Variants in GARIN2 observed in about 807,000 individuals in gnomAD.
The protein encoded by GARIN2 is golgi associated RAB2 interactor family member 2.
the GARIN2 span, among the ~76,000 whole-genome samples, chr14:67,193,159 T>C: frequency 1.4e-5 from 2 of 143,804 alleles, no homozygotes; most frequent in African/African-American, 5.0e-5. Context: ...TATATCTCTA[T>C]ATAGACATCT....
chr14:67,215,927 A>G, the GARIN2 span, among the ~76,000 whole-genome samples: 2 of 152,188 alleles, frequency 1.3e-5, no homozygotes, highest in African/African-American at 2.4e-5. Flanking sequence ...TGCCCAAAAC[A>G]AATGCCCTAA....
At chr14:67,227,940 C>A in the GARIN2 span, among the ~76,000 whole-genome samples, 1,611 of 152,098 alleles carry the variant, frequency 0.011, 30 homozygotes, top group African/African-American at 0.036. Context: ...GAGGCCAAGG[C>A]GGGTGGATCA....
At chr14:67,192,788 A>G in the GARIN2 span, among the ~76,000 whole-genome samples, 1 of 148,058 alleles carries the variant, frequency 6.8e-6, no homozygotes, top group Non-Finnish European at 1.5e-5. Flanking sequence ...ATATATATGT[A>G]TGTGTGTGTA....
At chr14:67,209,802 A>G in the GARIN2 span, among the ~76,000 whole-genome samples, 1 of 147,934 alleles carries the variant, frequency 6.8e-6, no homozygotes, top group Non-Finnish European at 1.5e-5. Flanking sequence ...TGGGTGACAG[A>G]GCAAGACTCC....
At chr14:67,220,845 C>T in the GARIN2 span, among the ~76,000 whole-genome samples, 2 of 152,174 alleles carry the variant, frequency 1.3e-5, no homozygotes, top group Non-Finnish European at 2.9e-5. Flanking sequence ...TTAACATTTA[C>T]TTTCTGAAAG....
the GARIN2 span, among the ~76,000 whole-genome samples, chr14:67,220,971 CTATT>C: frequency 6.6e-6 from 1 of 152,082 alleles, no homozygotes; most frequent in African/African-American, 2.4e-5. Context: ...TCTTCCTAAA[CTATT>C]TGTTTTATTC....
chr14:67,207,250 TG>T, the GARIN2 span, among the ~76,000 whole-genome samples: 8 of 152,124 alleles, frequency 5.3e-5, no homozygotes, highest in African/African-American at 1.7e-4. Flanking sequence ...AGCACAATGC[TG>T]GCATCTGCTT....
chr14:67,209,874 A>C, the GARIN2 span, among the ~76,000 whole-genome samples: 206 of 152,112 alleles, frequency 1.4e-3, 4 homozygotes, highest in East Asian at 0.023. Context: ...CTTTATATAT[A>C]AGTAGTTGGT....
At chr14:67,191,667 C>G in the GARIN2 span, among the ~76,000 whole-genome samples, 5 of 152,178 alleles carry the variant, frequency 3.3e-5, no homozygotes, top group Admixed American at 2.0e-4. Flanking sequence ...CCTAATGGAG[C>G]CTTGATCATC....
At chr14:67,225,182 T>C in the GARIN2 span, 1 of 1,573,912 alleles carries the variant, frequency 6.4e-7, no homozygotes, top group Non-Finnish European at 8.6e-7. Context: ...TGTCTGCCCC[T>C]TTCTCAAGGG....
the GARIN2 span, chr14:67,199,976 TG>T: frequency 8.7e-7 from 1 of 1,149,008 alleles, no homozygotes; most frequent in Admixed American, 2.8e-5. Context: ...CATCCAGGGA[TG>T]TCTCAGATGC....
chr14:67,196,755 C>T, the GARIN2 span: 11 of 152,184 alleles, frequency 7.2e-5, no homozygotes, highest in African/African-American at 2.7e-4. Context: ...ACCAAAAGAC[C>T]ACGGTGAGGA....
chr14:67,191,507 C>A, the GARIN2 span, among the ~76,000 whole-genome samples: 1 of 152,200 alleles, frequency 6.6e-6, no homozygotes, highest in South Asian at 2.1e-4. Context: ...TTCCCACTCT[C>A]TCCCCTTCCC....
the GARIN2 span, among the ~76,000 whole-genome samples, chr14:67,201,985 C>T: frequency 1.3e-5 from 2 of 152,132 alleles, no homozygotes; most frequent in African/African-American, 2.4e-5. Context: ...CCTCTCCTCT[C>T]AACCCAGCCA....
chr14:67,225,096 T>G, the GARIN2 span: 2 of 1,548,012 alleles, frequency 1.3e-6, no homozygotes. Flanking sequence ...CTTTCCTTAT[T>G]CTTTTTCTTT....
the GARIN2 span, chr14:67,222,087 A>G: frequency 2.7e-6 from 1 of 373,346 alleles, no homozygotes; most frequent in East Asian, 4.6e-5. Context: ...CCCTGTATCT[A>G]AATCATCAAG....
chr14:67,190,425 T>TG, the GARIN2 span, among the ~76,000 whole-genome samples: 11,059 of 144,278 alleles, frequency 0.077, 403 homozygotes, highest in Middle Eastern at 0.11. Context: ...GGTTTCGCCA[T>TG]TTGGCCAGGC....
the GARIN2 span, among the ~76,000 whole-genome samples, chr14:67,224,466 T>TA: frequency 1.3e-5 from 2 of 151,974 alleles, no homozygotes; most frequent in Admixed American, 1.3e-4. Context: ...TTCATTGTGT[T>TA]AGCCAGGATG....
chr14:67,203,233 C>G, the GARIN2 span: 1 of 1,612,516 alleles, frequency 6.2e-7, no homozygotes, highest in Non-Finnish European at 8.5e-7. Context: ...CAAAAAGATA[C>G]AGAAACCCTG....
Sources: gnomAD v4.1 joint callset for allele counts (sites outside exome capture counted in the v4.1 genomes callset) on GRCh38, gnomAD v4.1.1 for gene constraint, MANE v1.5 for transcripts, NCBI Gene and HGNC (gene_info 2026-07-23, HGNC 2026-07-21) for gene names.